Variants in TTBK2 observed in about 807,000 individuals in gnomAD.
The protein encoded by TTBK2 is tau tubulin kinase 2.
A neutral mutation model predicts 110.8 loss-of-function variants in TTBK2; 28 were observed. The ratio of observed to expected loss-of-function variants is 0.25; its 90% CI spans 0.19 to 0.35. The LOEUF is 0.35. Among genes scored for constraint, TTBK2 ranks in the 10% least tolerant of loss-of-function variants. The pLI, the probability that TTBK2 is intolerant of heterozygous loss-of-function variation, is 1.00. For synonymous variants in TTBK2, 532 were observed against 527.3 expected, an observed-to-expected ratio of 1.01 and a Z score of -0.12; for missense variants, 1,369 against 1,500.3, an observed-to-expected ratio of 0.91 and a Z score of 1.45.
intron 13 of TTBK2, among the ~76,000 whole-genome samples, chr15:42,762,656 G>A (rs2062046686): frequency 6.6e-6 from 1 of 152,142 alleles, no homozygotes; most frequent in Non-Finnish European, 1.5e-5. Flanking sequence ...GGTGGTGGCT[G>A]CACTGAGCCA....
chr15:42,808,424 T>A (rs1471827969), intron 9 of TTBK2, among the ~76,000 whole-genome samples: 1 of 152,130 alleles, frequency 6.6e-6, no homozygotes, highest in East Asian at 1.9e-4. Context: ...TGGAAACATA[T>A]CATTGCTATT....
chr15:42,843,939 G>A (rs937919015), intron 3 of TTBK2, among the ~76,000 whole-genome samples: 3 of 151,956 alleles, frequency 2.0e-5, no homozygotes, highest in African/African-American at 7.3e-5. Flanking sequence ...ATACCCCTGT[G>A]ATTTCATCCC....
chr15:42,899,934 C>A (rs1596039030), intron 1 of TTBK2, among the ~76,000 whole-genome samples: 1 of 151,498 alleles, frequency 6.6e-6, no homozygotes, highest in African/African-American at 2.4e-5. Context: ...GCACTCTAGC[C>A]TGGGTGACAG....
chr15:42,787,499 T>G (rs951466102), intron 10 of TTBK2, among the ~76,000 whole-genome samples: 1 of 152,210 alleles, frequency 6.6e-6, no homozygotes, highest in Non-Finnish European at 1.5e-5. Flanking sequence ...GATTCACTGA[T>G]GGATGCTACA....
intron 1 of TTBK2, among the ~76,000 whole-genome samples, chr15:42,883,134 C>T (rs1204207821): frequency 6.6e-6 from 1 of 152,120 alleles, no homozygotes; most frequent in Non-Finnish European, 1.5e-5. Flanking sequence ...GTAATCCCAA[C>T]ACTTTGGGAG....
At chr15:42,753,830 C>A (rs1176229857) in intron 13 of TTBK2, among the ~76,000 whole-genome samples, 1 of 152,172 alleles carries the variant, frequency 6.6e-6, no homozygotes, top group Admixed American at 6.5e-5. Flanking sequence ...CTTAACTCTG[C>A]CCATACATCT....
intron 1 of TTBK2, among the ~76,000 whole-genome samples, chr15:42,919,282 TTA>T (rs995518933): frequency 2.7e-5 from 1 of 37,208 alleles, no homozygotes; most frequent in Admixed American, 2.6e-4. Flanking sequence ...GCTTCTTTAT[TTA>T]AAAAAAAAAA....
At position 42,775,487 on chromosome 15, in the gene TTBK2, G is replaced by C. The variant is rs761082723; in HGVS notation, c.1646C>G (p.Ser549Cys). 4 of 1,613,972 alleles carry C rather than the reference G, an allele frequency of 2.5e-6. No homozygotes were observed. The East Asian group carries it at 6.7e-5, about 27-fold the overall frequency. The change falls in exon 13 of 15, where the codon TCC becomes TGC. Residue 549 changes from serine to cysteine, a missense_variant. By Grantham distance (112) the Ser-to-Cys change is moderately radical (BLOSUM62 -1). Coordinates refer to ENST00000267890, the MANE Select transcript of TTBK2 (RefSeq NM_173500.4). ...CTTGTCCACAATCACCCATTCTTTG[G>C]AATCAATTTCTTGCTTGCAAGAGCT... ...NLSSCKQEIDSKEWVIVDKEQ... is the reference protein window; with the variant it reads ...NLSSCKQEIDCKEWVIVDKEQ...
At chr15:42,814,570 C>T (rs1306720461) in intron 7 of TTBK2, among the ~76,000 whole-genome samples, 3 of 152,078 alleles carry the variant, frequency 2.0e-5, no homozygotes, top group African/African-American at 7.2e-5. Context: ...GAACAAGACC[C>T]TGTCTCTAAA....
At chr15:42,761,407 A>G (rs374904813) in intron 13 of TTBK2, among the ~76,000 whole-genome samples, 5 of 152,208 alleles carry the variant, frequency 3.3e-5, no homozygotes. Flanking sequence ...ATGGGAGAAA[A>G]TATCTACAAA....
At chr15:42,867,163 G>A (rs1894406253) in intron 3 of TTBK2, among the ~76,000 whole-genome samples, 1 of 151,088 alleles carries the variant, frequency 6.6e-6, no homozygotes, top group Admixed American at 6.6e-5. Flanking sequence ...AGAATGGCGT[G>A]AACCTGGGAG....
At chr15:42,801,594 T>G in intron 9 of TTBK2, 2 of 780,174 alleles carry the variant, frequency 2.6e-6, no homozygotes, top group Non-Finnish European at 4.7e-6. Flanking sequence ...TCAGCCTGGC[T>G]GCGGTTGGCA....
Position 42,775,721 on chromosome 15 carries a change from A to G in TTBK2, c.1412T>C (p.Leu471Pro), listed in dbSNP as rs1370516507. ...PDTDKFLETCLEKMQKDTSAG... is the reference protein window; with the variant it reads ...PDTDKFLETCPEKMQKDTSAG... ...ACTGGTATCTTTCTGCATTTTCTCC[A>G]GGCTTAAGGAAATGGAAAGAAGTTA... is the stretch of plus-strand genomic sequence containing the variant. The change falls in exon 13 of 15, where the codon CTG becomes CCG. Residue 471 changes from leucine (L) to proline (P), a missense_variant and splice_region_variant. Physicochemically the swap from Leu to Pro is moderately conservative, Grantham distance 98. Transcript: ENST00000267890. 1 of 1,609,658 alleles carries G rather than the reference A, an allele frequency of 6.2e-7. No homozygotes were observed. Among genetic ancestry groups the G allele is most frequent in the Non-Finnish European group, 8.5e-7 (1 of 1,179,544 alleles).
chr15:42,857,752 T>C (rs1212356437), intron 3 of TTBK2, among the ~76,000 whole-genome samples: 2 of 151,760 alleles, frequency 1.3e-5, no homozygotes, highest in Admixed American at 6.6e-5. Flanking sequence ...TTTTTGGCAA[T>C]GGATAAGTGG....
chr15:42,886,934 C>T (rs542523976), intron 1 of TTBK2, among the ~76,000 whole-genome samples: 5 of 152,348 alleles, frequency 3.3e-5, no homozygotes, highest in Middle Eastern at 3.4e-3. Flanking sequence ...CTTACTCCTT[C>T]CCAGATCTTC....
chr15:42,878,076 G>A (rs910683891), intron 2 of TTBK2, among the ~76,000 whole-genome samples: 4 of 146,630 alleles, frequency 2.7e-5, no homozygotes, highest in Non-Finnish European at 6.0e-5. Context: ...CCGGGTTCAC[G>A]CCATTCTCCT....
At position 42,853,387 on chromosome 15, in the gene TTBK2, G is replaced by T. The variant is rs1241377799; in HGVS notation, c.218-12954C>A. Reference sequence around the variant, plus strand: ...ATTAATTCCCAAATATCTCAACTGAGAATAAAATTGTTTCATTATCAAACA... The same window carrying T: ...ATTAATTCCCAAATATCTCAACTGATAATAAAATTGTTTCATTATCAAACA... On this transcript the variant is annotated intron_variant, in intron 3 of 14. Transcript: ENST00000267890. 8.5e-5 allele frequency among the ~76,000 whole-genome samples: 13 copies of T among 152,066 alleles called. 1 individual carries two copies. The highest frequency in any genetic ancestry group is 8.5e-4 in the Admixed American group (13 of 15,264).
intron 7 of TTBK2, among the ~76,000 whole-genome samples, chr15:42,816,077 AATAAATAAATATATATATATATATAT>A (rs1326804911): frequency 3.2e-5 from 2 of 63,056 alleles, no homozygotes; most frequent in East Asian, 1.1e-3. Flanking sequence ...TATAAAAATA[AATAAATAAATATATATATATATATAT>A]ATATATATAT....
intron 3 of TTBK2, among the ~76,000 whole-genome samples, chr15:42,858,910 A>C (rs1400379903): frequency 6.6e-6 from 1 of 152,146 alleles, no homozygotes; most frequent in Non-Finnish European, 1.5e-5. Context: ...CCAGGAGTTC[A>C]ACTAGTTTTT....
Sources: allele counts gnomAD v4.1 joint callset (sites outside exome capture counted in the v4.1 genomes callset), GRCh38; gene constraint gnomAD v4.1.1; transcripts MANE v1.5; gene names NCBI Gene and HGNC (gene_info 2026-07-23, HGNC 2026-07-21).